The following SHC3 variants were observed in gnomAD, a reference collection of about 807,000 sequenced individuals.
The protein encoded by SHC3 is SHC adaptor protein 3.
A neutral mutation model predicts 60.4 loss-of-function variants in SHC3; 15 were observed. The observed-to-expected ratio is 0.25, with a 90% CI of 0.17 to 0.38. SHC3 has a LOEUF of 0.38. SHC3 is among the 10% of genes least tolerant of loss of function. SHC3 has a pLI of 1.00. For missense variants in SHC3, 677 were observed against 786.1 expected (o/e 0.86, Z 1.66); for synonymous variants, 294 against 325.9 (o/e 0.90, Z 1.05).
At chr9:89,048,849 C>A (rs993172658) in intron 7 of SHC3, among the ~76,000 whole-genome samples, 1 of 152,126 alleles carries the variant, frequency 6.6e-6, no homozygotes, top group South Asian at 2.1e-4. Context: ...CCCGTCACCC[C>A]GCTCTCGGAT....
intron 1 of SHC3, among the ~76,000 whole-genome samples, chr9:89,161,674 A>C (rs1339883046): frequency 6.6e-6 from 1 of 151,644 alleles, no homozygotes; most frequent in East Asian, 1.9e-4. Context: ...CCCTTTGAAA[A>C]CTGGCACAAG....
At chr9:89,042,334 CCA>C (rs1824701866) in intron 9 of SHC3, 150 bp from the exon 10 acceptor site, 2 of 816,508 alleles carry the variant, frequency 2.4e-6, no homozygotes, top group African/African-American at 3.5e-5. Flanking sequence ...GAGCTTGTCA[CCA>C]CACACTGCTG....
At chr9:89,060,321 G>T (rs1321646579) in intron 6 of SHC3, among the ~76,000 whole-genome samples, 2 of 151,478 alleles carry the variant, frequency 1.3e-5, no homozygotes, top group African/African-American at 4.9e-5. Flanking sequence ...AGAGGACGTG[G>T]TGTAGGACAG....
At chr9:89,156,331 C>T (rs968920233) in intron 1 of SHC3, among the ~76,000 whole-genome samples, 3 of 152,158 alleles carry the variant, frequency 2.0e-5, no homozygotes, top group Non-Finnish European at 4.4e-5. Flanking sequence ...GTCAAACCTT[C>T]GGACGATTAC....
At chr9:89,044,402 T>C (rs528757914) in intron 9 of SHC3, among the ~76,000 whole-genome samples, 74 of 152,342 alleles carry the variant, frequency 4.9e-4, no homozygotes, top group African/African-American at 1.8e-3. Context: ...CGAAATTCTC[T>C]TACACAGAGG....
chr9:89,049,053 A>C (rs981648859), intron 7 of SHC3, among the ~76,000 whole-genome samples: 3 of 152,178 alleles, frequency 2.0e-5, no homozygotes, highest in African/African-American at 7.2e-5. Flanking sequence ...CGAGGTCAGG[A>C]GATCGATACC....
chr9:89,054,477 C>T (rs1303112426), intron 6 of SHC3, among the ~76,000 whole-genome samples: 3 of 152,210 alleles, frequency 2.0e-5, no homozygotes, highest in African/African-American at 7.2e-5. Context: ...TGGACTTTGT[C>T]TCTCTGGGCC....
intron 7 of SHC3, among the ~76,000 whole-genome samples, chr9:89,048,919 C>T (rs899978265): frequency 2.0e-5 from 3 of 152,188 alleles, no homozygotes; most frequent in East Asian, 1.9e-4. Context: ...GTCAGGTCAC[C>T]GACAGTATGA....
chr9:89,076,243 T>C (rs574682421), intron 3 of SHC3, among the ~76,000 whole-genome samples: 23 of 152,120 alleles, frequency 1.5e-4, no homozygotes, highest in African/African-American at 5.6e-4. Context: ...TGGTTCCCCA[T>C]GGACTGGCCA....
intron 11 of SHC3, among the ~76,000 whole-genome samples, chr9:89,032,597 G>A (rs1824508717): frequency 6.6e-6 from 1 of 152,182 alleles, no homozygotes; most frequent in East Asian, 1.9e-4. Context: ...TAGAGACCCA[G>A]CTACTGGCAC....
chr9:89,065,280 T>G (rs1418388492), intron 6 of SHC3, among the ~76,000 whole-genome samples: 2 of 152,154 alleles, frequency 1.3e-5, no homozygotes, highest in East Asian at 3.9e-4. Flanking sequence ...CAGGGGCTGT[T>G]TGTGTGTAAA....
At position 89,062,088 on chromosome 9, in the gene SHC3, C is replaced by T. The variant is rs78510359; in HGVS notation, c.835+3441G>A. On this transcript the variant is annotated intron_variant, in intron 6 of 11. Coordinates refer to ENST00000375835, the MANE Select transcript of SHC3 (RefSeq NM_016848.6). ...ATACGAATTACATGCCTTCTGTAGG[C>T]AGTCGTATGCCTAATTTGAGCATCA... Among the ~76,000 whole-genome samples the T allele has an allele frequency of 5.5e-3, 845 of 152,260 alleles. 3 individuals carry two copies. Among genetic ancestry groups the T allele is most frequent in the Middle Eastern group, 0.017 (5 of 294 alleles).
At chr9:89,041,314 T>C (rs868220767) in intron 10 of SHC3, among the ~76,000 whole-genome samples, 7 of 152,360 alleles carry the variant, frequency 4.6e-5, no homozygotes, top group South Asian at 4.1e-4. Flanking sequence ...CTATCTGCAA[T>C]AGATTCCTAT....
At position 89,075,122 on chromosome 9, in the gene SHC3, G is replaced by A. The variant is rs575182413; in HGVS notation, c.716C>T (p.Pro239Leu). ...GCACCCATGTACCTGTTTGGAGTCC[G>A]GAGTTCGCAGGTTCAGACTGGCCGT... ...ISTASLNLRT[P>L]DSKQIIANHH... The change falls in exon 4 of 12, where the codon CCG becomes CTG. Residue 239 changes from proline to leucine, a missense_variant. Coordinates refer to ENST00000375835, the MANE Select transcript of SHC3 (RefSeq NM_016848.6). 22 of 1,613,988 alleles carry A rather than the reference G, an allele frequency of 1.4e-5. No individual in the cohort carries two copies. Among genetic ancestry groups the A allele is most frequent in the East Asian group, 1.1e-4 (5 of 44,880 alleles).
In SHC3 at chr9:89,147,293, T is replaced by C. The variant is rs549943880; in HGVS notation, c.474+30694A>G. Reference sequence around the variant, plus strand: ...GCACCAGTGAACAAAATTAGTGAGGTTCTACATTCACTGATAATTCACTTT... The same window carrying C: ...GCACCAGTGAACAAAATTAGTGAGGCTCTACATTCACTGATAATTCACTTT... On this transcript the variant is annotated intron_variant, in intron 1 of 11. Transcript: ENST00000375835. Among the ~76,000 whole-genome samples the C allele has an allele frequency of 1.2e-4, 19 of 152,154 alleles. 1 individual carries two copies. The highest frequency in any genetic ancestry group is 6.8e-3 in the Middle Eastern group (2 of 294).
At chr9:89,103,746 G>C (rs1190988368) in intron 2 of SHC3, among the ~76,000 whole-genome samples, 1 of 152,196 alleles carries the variant, frequency 6.6e-6, no homozygotes, top group Non-Finnish European at 1.5e-5. Flanking sequence ...CCCTATGATG[G>C]AGATGCCATT....
At chr9:89,096,323 A>G (rs557980161) in intron 2 of SHC3, among the ~76,000 whole-genome samples, 22 of 152,302 alleles carry the variant, frequency 1.4e-4, no homozygotes, top group African/African-American at 4.8e-4. Context: ...GCTCCATCCA[A>G]TGCGCCACCA....
At chr9:89,168,971 A>G (rs1274792063) in intron 1 of SHC3, among the ~76,000 whole-genome samples, 1 of 152,152 alleles carries the variant, frequency 6.6e-6, no homozygotes, top group East Asian at 1.9e-4. Flanking sequence ...CTGGGTCTCA[A>G]GCAGGACAGC....
chr9:89,114,392 A>G (rs1174056412), intron 1 of SHC3, among the ~76,000 whole-genome samples: 1 of 152,138 alleles, frequency 6.6e-6, no homozygotes, highest in Non-Finnish European at 1.5e-5. Context: ...ACATGTGTGC[A>G]GGTCCCACAT....
Sources: gnomAD v4.1 joint callset for allele counts (sites outside exome capture counted in the v4.1 genomes callset) on GRCh38, gnomAD v4.1.1 for gene constraint, MANE v1.5 for transcripts, NCBI Gene and HGNC (gene_info 2026-07-23, HGNC 2026-07-21) for gene names.